The following ACADSB variants were observed in gnomAD, a reference collection of about 807,000 sequenced individuals.
ACADSB encodes the protein acyl-CoA dehydrogenase short/branched chain, also known as short/branched chain specific acyl-CoA dehydrogenase, mitochondrial.
Under a neutral mutation model 54.1 loss-of-function variants are expected in ACADSB, and 40 were observed. The observed-to-expected ratio is 0.74, with a 90% CI of 0.57 to 0.96. The LOEUF is 0.96. Ranked by LOEUF, ACADSB falls within the 40% of genes least tolerant of loss-of-function variation. The pLI, the probability that ACADSB is intolerant of heterozygous loss-of-function variation, is 0.00. For missense variants in ACADSB, 530 were observed against 510.4 expected (o/e 1.04, Z -0.37); for synonymous variants, 182 against 182.8 (o/e 1.00, Z 0.03).
chr10:123,034,297 C>G, intron 1 of ACADSB, 59 bp from the exon 2 acceptor site: 1 of 1,556,628 alleles, frequency 6.4e-7, no homozygotes, highest in African/African-American at 1.4e-5. Flanking sequence ...GTTATAAAGT[C>G]ATTCCCAAAG....
chr10:123,031,147 T>C (rs891173674), intron 1 of ACADSB, among the ~76,000 whole-genome samples: 1 of 152,262 alleles, frequency 6.6e-6, no homozygotes, highest in South Asian at 2.1e-4. Flanking sequence ...TTTCTTTTGA[T>C]GACAGAGTCA....
At chr10:123,031,825 G>A (rs1850331421) in intron 1 of ACADSB, among the ~76,000 whole-genome samples, 1 of 152,038 alleles carries the variant, frequency 6.6e-6, no homozygotes, top group South Asian at 2.1e-4. Flanking sequence ...TTGTGTCTAT[G>A]AATCTAAAAT....
At chr10:123,020,652 T>C (rs902707772) in intron 1 of ACADSB, among the ~76,000 whole-genome samples, 1 of 152,228 alleles carries the variant, frequency 6.6e-6, no homozygotes, top group African/African-American at 2.4e-5. Flanking sequence ...ACAGCTAAAC[T>C]GTTTTCCAGA....
At chr10:123,010,503 T>C (rs1213309235) in intron 1 of ACADSB, among the ~76,000 whole-genome samples, 1 of 152,238 alleles carries the variant, frequency 6.6e-6, no homozygotes, top group Non-Finnish European at 1.5e-5. Flanking sequence ...AGCATAGTGG[T>C]TAAGAACGTA....
intron 1 of ACADSB, among the ~76,000 whole-genome samples, chr10:123,014,955 G>C (rs995756909): frequency 5.3e-5 from 8 of 152,212 alleles, no homozygotes. Flanking sequence ...CTGCCTAAGG[G>C]TTAAGTTTAT....
chr10:123,034,404 C>T lies in ACADSB; in HGVS notation c.91C>T (p.His31Tyr). Residue 31 changes from histidine to tyrosine, a missense_variant, in exon 2 of 11, where the codon CAT becomes TAT. Coordinates refer to ENST00000358776, the MANE Select transcript of ACADSB (RefSeq NM_001609.4). Reference protein sequence around the residue: ...TCLSSWKIPPHVSKSSQSEAL... With the variant: ...TCLSSWKIPPYVSKSSQSEAL... ...TTTGTCTTCTTGGAAGATTCCTCCT[C>T]ATGTCTCAAAATCTTCCCAGTCAGA... is the stretch of plus-strand genomic sequence containing the variant. 1 of 1,613,850 alleles carries T rather than the reference C, an allele frequency of 6.2e-7. No individual in the cohort carries two copies. Among genetic ancestry groups the T allele is most frequent in the Non-Finnish European group, 8.5e-7 (1 of 1,179,974 alleles).
intron 1 of ACADSB, among the ~76,000 whole-genome samples, chr10:123,033,906 G>C (rs1850361055): frequency 6.6e-6 from 1 of 152,160 alleles, no homozygotes; most frequent in Non-Finnish European, 1.5e-5. Context: ...TCTCAGCACA[G>C]GGCAGGTAGC....
chr10:123,021,256 C>T (rs561713439), intron 1 of ACADSB, among the ~76,000 whole-genome samples: 7 of 152,318 alleles, frequency 4.6e-5, no homozygotes, highest in Admixed American at 2.6e-4. Context: ...CAATCTTAAT[C>T]AGTTTGACTA....
chr10:123,012,164 G>T (rs1285333987), intron 1 of ACADSB, among the ~76,000 whole-genome samples: 2 of 152,204 alleles, frequency 1.3e-5, no homozygotes, highest in Non-Finnish European at 2.9e-5. Context: ...GGTGATTCTT[G>T]ACAAATATCC....
chr10:123,047,342 G>C (rs59024568), intron 8 of ACADSB, 44 bp downstream of exon 8: 1 of 1,357,386 alleles, frequency 7.4e-7, no homozygotes, highest in African/African-American at 1.4e-5. Context: ...GACTTCCCCA[G>C]CTTCCTGTTA....
intron 2 of ACADSB, among the ~76,000 whole-genome samples, chr10:123,035,694 G>A (rs1850389549): frequency 6.6e-6 from 1 of 152,164 alleles, no homozygotes; most frequent in Non-Finnish European, 1.5e-5. Context: ...GGTTGTGTCA[G>A]TACGCAGTTC....
chr10:123,022,705 C>A (rs1031051951), intron 1 of ACADSB, among the ~76,000 whole-genome samples: 6 of 77,584 alleles, frequency 7.7e-5, no homozygotes, highest in African/African-American at 1.9e-4. Context: ...CCTTAGTAAC[C>A]CAAGGATATC....
chr10:123,035,678 T>G (rs988770831), intron 2 of ACADSB, among the ~76,000 whole-genome samples: 1 of 152,154 alleles, frequency 6.6e-6, no homozygotes, highest in Admixed American at 6.5e-5. Flanking sequence ...CCTTCCAAGC[T>G]CCCGTGGTTG....
At chr10:123,040,808 G>T in intron 4 of ACADSB, 136 bp downstream of exon 4, 1 of 854,318 alleles carries the variant, frequency 1.2e-6, no homozygotes, top group South Asian at 1.6e-5. Flanking sequence ...AGCAATGCTT[G>T]ATAAATTAAT....
chr10:123,013,853 C>T (rs916501713), intron 1 of ACADSB, among the ~76,000 whole-genome samples: 1 of 152,222 alleles, frequency 6.6e-6, no homozygotes, highest in Non-Finnish European at 1.5e-5. Flanking sequence ...CCACAAGCGC[C>T]ACGCAGCCCT....
At position 123,057,092 on chromosome 10, in the gene ACADSB, T is replaced by C. The variant is rs1850718741; in HGVS notation, c.*3327T>C. 6.6e-6 allele frequency: 1 copy of C among 152,622 alleles called. No individual in the cohort carries two copies. Among genetic ancestry groups the C allele is most frequent in the Admixed American group, 6.5e-5 (1 of 15,284 alleles). The allele number at this position is 152,622 out of a possible 1,614,324, so 9.5% of individuals were successfully genotyped here. A position where few individuals can be genotyped will look rare whatever the true frequency, so the allele number is the denominator to read the frequency against. On this transcript the variant is annotated 3_prime_UTR_variant, in exon 11 of 11. Coordinates refer to ENST00000358776, the MANE Select transcript of ACADSB (RefSeq NM_001609.4). ...TGGACATCTTTAATTTCTGCGATTA[T>C]GTGAAAGAGGTGGACTTTACAGATA...
chr10:123,053,560 C>T, intron 10 of ACADSB, 135 bp from the exon 11 acceptor site: 1 of 794,642 alleles, frequency 1.3e-6, no homozygotes, highest in African/African-American at 1.7e-5. Flanking sequence ...TGAAATAGTA[C>T]CATATTCAGG....
chr10:123,040,523 A>G lies in ACADSB; in HGVS notation c.361A>G (p.Thr121Ala), dbSNP rs1444982131. ...AGGCACAGGAGCTTCATTTTTATCC[A>G]CTGTGCTCGTGATAGAGGAATTAGC... is the stretch of plus-strand genomic sequence containing the variant. ...YGGTGASFLS[T>A]VLVIEELAKV... is the part of the protein sequence containing the mutation. Residue 121 changes from threonine (T) to alanine (A), a missense_variant, in exon 4 of 11, where the codon ACT (threonine) becomes GCT (alanine). Transcript: ENST00000358776. 3 of 1,614,070 alleles carry G rather than the reference A, an allele frequency of 1.9e-6. No individual in the cohort carries two copies.
At chr10:123,020,927 C>G (rs746743557) in intron 1 of ACADSB, among the ~76,000 whole-genome samples, 1 of 152,092 alleles carries the variant, frequency 6.6e-6, no homozygotes, top group Non-Finnish European at 1.5e-5. Flanking sequence ...CGCTTGAACC[C>G]GGGAGGCAGA....
Sources: gnomAD v4.1 joint callset for allele counts (sites outside exome capture counted in the v4.1 genomes callset) on GRCh38, gnomAD v4.1.1 for gene constraint, MANE v1.5 for transcripts, NCBI Gene and HGNC (gene_info 2026-07-23, HGNC 2026-07-21) for gene names.